CACNG2: variants seen among roughly 807,000 people sequenced by gnomAD.
CACNG2 encodes the protein calcium voltage-gated channel auxiliary subunit gamma 2.
In CACNG2, 3 loss-of-function variants were observed where a neutral mutation model predicts 25.9. That is an observed-to-expected ratio of 0.12 (90% CI 0.05 to 0.30). The LOEUF (loss-of-function observed/expected upper bound fraction) is 0.30, where lower values mean the gene tolerates loss of function less well. Ranked by LOEUF, CACNG2 falls within the 10% of genes least tolerant of loss-of-function variation. The pLI is 1.00. For synonymous variants in CACNG2, 167 were observed against 173.3 expected (o/e 0.96, Z 0.29); for missense variants, 341 against 432.5 (o/e 0.79, Z 1.88).
intron 1 of CACNG2, among the ~76,000 whole-genome samples, chr22:36,622,579 C>T (rs950792609): frequency 5.3e-5 from 8 of 152,220 alleles, no homozygotes; most frequent in African/African-American, 1.2e-4. Flanking sequence ...GGCAGACATT[C>T]GGCTCTGGAC....
intron 1 of CACNG2, among the ~76,000 whole-genome samples, chr22:36,673,966 C>G (rs1317066053): frequency 6.6e-6 from 1 of 152,166 alleles, no homozygotes; most frequent in African/African-American, 2.4e-5. Flanking sequence ...GTAACGGGGT[C>G]CCCTGTGACT....
rs552300241 is a variant in CACNG2 at position 36,616,797 on chromosome 22, C to T, written c.212-29249G>A. The stretch of plus-strand genomic sequence containing the variant: ...TCTTCAAAGCACAACTAAAATCCTG[C>T]CTCCTTTATGAAGTCTTTCCTGACT... On this transcript the variant is annotated intron_variant, in intron 1 of 3. Coordinates refer to ENST00000300105, the MANE Select transcript of CACNG2 (RefSeq NM_006078.5). Among the ~76,000 whole-genome samples the T allele has an allele frequency of 4.6e-5, 7 of 152,282 alleles. No homozygotes were observed. The South Asian group carries it at 1.5e-3, about 32-fold the overall frequency.
In CACNG2 at chr22:36,676,932, TTGTGTGTGTGTG is replaced by T. The variant is rs138729815; in HGVS notation, c.211+25422_211+25433del. Among the ~76,000 whole-genome samples the T allele has an allele frequency of 8.3e-3, 1,177 of 141,762 alleles. 6 individuals are homozygous for T. Among genetic ancestry groups the T allele is most frequent in the Non-Finnish European group, 0.012 (775 of 65,516 alleles). 93.0% of individuals were successfully genotyped at this position (141,762 alleles called of 152,430 possible). A position where few individuals can be genotyped will look rare whatever the true frequency, so the allele number is the denominator to read the frequency against. On this transcript the variant is annotated intron_variant, in intron 1 of 3. Transcript: ENST00000300105. The stretch of plus-strand genomic sequence containing the variant: ...GCCTCTCTTTCTGCTTCTTCTAATA[TTGTGTGTGTGTG>T]TGTGTGTGTGTGTGTGTGTGTGTGT...
intron 1 of CACNG2, among the ~76,000 whole-genome samples, chr22:36,651,576 G>C (rs1373218205): frequency 6.6e-6 from 1 of 152,098 alleles, no homozygotes; most frequent in Non-Finnish European, 1.5e-5. Flanking sequence ...ATTTTGAACT[G>C]GGCCCTGCAA....
rs1569022483 is a variant in CACNG2, at chr22:36,590,314, C to G, written c.212-2766G>C. 2.0e-5 allele frequency among the ~76,000 whole-genome samples: 3 copies of G among 152,266 alleles called. No homozygotes were observed. In the South Asian group the frequency reaches 6.2e-4, roughly 32 times the overall value. On this transcript the variant is annotated intron_variant, in intron 1 of 3. Transcript: ENST00000300105. ...CCCAGACCTCTCCTTGAGGCCTGGA[C>G]CTGGGTATCCAGCTGCCTATTTGAC... is the stretch of plus-strand genomic sequence containing the variant.
In CACNG2 at chr22:36,574,711, G is replaced by A. The variant is rs551822387; in HGVS notation, c.296-8218C>T. Among the ~76,000 whole-genome samples, 3 of 152,332 alleles carry A rather than the reference G, an allele frequency of 2.0e-5. No homozygotes were observed. In the South Asian group the frequency reaches 6.2e-4, roughly 32 times the overall value. On this transcript the variant is annotated intron_variant, in intron 2 of 3. Coordinates refer to ENST00000300105, the MANE Select transcript of CACNG2 (RefSeq NM_006078.5). ...GCAGGAGAATTGCTTGAACCTGGGA[G>A]GTGGAGGTTGCCGTGCACCAAAATT...
At chr22:36,660,138 G>A (rs1023160508) in intron 1 of CACNG2, among the ~76,000 whole-genome samples, 8 of 152,374 alleles carry the variant, frequency 5.3e-5, no homozygotes, top group African/African-American at 1.9e-4. Flanking sequence ...CTGTGTTTAT[G>A]TGTCATTGTC....
chr22:36,618,987 A>G (rs1936067130), intron 1 of CACNG2, among the ~76,000 whole-genome samples: 1 of 152,236 alleles, frequency 6.6e-6, no homozygotes, highest in South Asian at 2.1e-4. Context: ...CTTAGAGAAC[A>G]GGGCAGGAAA....
rs75005668 is a variant in CACNG2, at chr22:36,595,216, G to T, written c.212-7668C>A. On this transcript the variant is annotated intron_variant, in intron 1 of 3. Coordinates refer to ENST00000300105, the MANE Select transcript of CACNG2 (RefSeq NM_006078.5). ...AGCAAGAGCAGTCAGGATAGTGCGGGACATAGGAGGGAACACACTGTCCCT... is the reference window on the plus strand; with the variant it reads ...AGCAAGAGCAGTCAGGATAGTGCGGTACATAGGAGGGAACACACTGTCCCT... Among the ~76,000 whole-genome samples, 406 of 152,224 alleles carry T rather than the reference G, an allele frequency of 2.7e-3. 1 individual carries two copies. The highest frequency in any genetic ancestry group is 4.1e-3 in the Non-Finnish European group (278 of 68,004).
At chr22:36,662,852 C>T (rs935785244) in intron 1 of CACNG2, among the ~76,000 whole-genome samples, 1 of 152,102 alleles carries the variant, frequency 6.6e-6, no homozygotes, top group Non-Finnish European at 1.5e-5. Context: ...GGGATTTGAA[C>T]TCAGATGAGT....
chr22:36,693,915 ACT>A (rs1937298467), intron 1 of CACNG2, among the ~76,000 whole-genome samples: 1 of 152,104 alleles, frequency 6.6e-6, no homozygotes, highest in African/African-American at 2.4e-5. Context: ...TATCTCCTCT[ACT>A]AGACTGAATT....
At chr22:36,685,396 C>T (rs1011285185) in intron 1 of CACNG2, among the ~76,000 whole-genome samples, 1 of 152,130 alleles carries the variant, frequency 6.6e-6, no homozygotes, top group Non-Finnish European at 1.5e-5. Flanking sequence ...TGAGCTTCTG[C>T]CCCCCGTCAT....
At chr22:36,670,585 G>A (rs1050319171) in intron 1 of CACNG2, among the ~76,000 whole-genome samples, 6 of 152,006 alleles carry the variant, frequency 3.9e-5, no homozygotes, top group Admixed American at 3.9e-4. Context: ...AGTGGCTCTG[G>A]TAGGGCTACC....
intron 1 of CACNG2, among the ~76,000 whole-genome samples, chr22:36,601,803 G>C (rs1273188040): frequency 1.3e-5 from 2 of 152,104 alleles, no homozygotes; most frequent in East Asian, 1.9e-4. Flanking sequence ...TCATTACAAG[G>C]TGGTGATTTC....
chr22:36,620,477 C>T (rs567121321), intron 1 of CACNG2, among the ~76,000 whole-genome samples: 72 of 152,128 alleles, frequency 4.7e-4, no homozygotes, highest in Non-Finnish European at 9.0e-4. Context: ...AAACAATCAC[C>T]ACGTAGAAAA....
At chr22:36,695,951 C>T (rs771266401) in intron 1 of CACNG2, among the ~76,000 whole-genome samples, 3 of 152,100 alleles carry the variant, frequency 2.0e-5, no homozygotes, top group Admixed American at 6.5e-5. Context: ...TCTATGGCTG[C>T]GAACTAACCT....
chr22:36,605,202 G>A (rs1451976755), intron 1 of CACNG2, among the ~76,000 whole-genome samples: 1 of 152,178 alleles, frequency 6.6e-6, no homozygotes, highest in Non-Finnish European at 1.5e-5. Flanking sequence ...AGCCTCCTGA[G>A]TAGCTGGGAC....
rs140760830 is a variant in CACNG2 at position 36,613,347 on chromosome 22, A to G, written c.212-25799T>C. Among the ~76,000 whole-genome samples, 543 of 152,260 alleles carry G rather than the reference A, an allele frequency of 3.6e-3. 6 individuals are homozygous for G. The highest frequency in any genetic ancestry group is 0.012 in the African/African-American group (514 of 41,528). On this transcript the variant is annotated intron_variant, in intron 1 of 3. Transcript: ENST00000300105. ...AGGTTTCTAATACCTTTCTCCCTCA[A>G]GTGCTAGTGTGGGAGGCATTTCTAT... is the stretch of plus-strand genomic sequence containing the variant.
chr22:36,684,418 C>A (rs1288574978), intron 1 of CACNG2, among the ~76,000 whole-genome samples: 1 of 151,888 alleles, frequency 6.6e-6, no homozygotes, highest in Admixed American at 6.6e-5. Context: ...GAGTTTGAGA[C>A]CAGCCTGGGC....
Sources: allele counts gnomAD v4.1 joint callset (sites outside exome capture counted in the v4.1 genomes callset), GRCh38; gene constraint gnomAD v4.1.1; transcripts MANE v1.5; gene names NCBI Gene and HGNC (gene_info 2026-07-23, HGNC 2026-07-21).